The following FRK variants were observed in gnomAD, a reference collection of about 807,000 sequenced individuals.
The protein encoded by FRK is tyrosine-protein kinase FRK.
FRK carries 51 observed loss-of-function variants against 56.4 expected under a neutral mutation model. The observed-to-expected ratio is 0.90, with a 90% CI of 0.72 to 1.14. The LOEUF (loss-of-function observed/expected upper bound fraction) is 1.14, where lower values mean the gene tolerates loss of function less well. FRK is among the 50% of genes most tolerant of loss of function. The probability of loss-of-function intolerance (pLI) is 0.00; values close to 1 mark genes in which losing one functional copy is unlikely to be tolerated. For missense variants in FRK, 570 were observed against 601.4 expected, an observed-to-expected ratio of 0.95 and a Z score of 0.55; for synonymous variants, 245 against 217.9, an observed-to-expected ratio of 1.12 and a Z score of -1.10.
intron 5 of FRK, among the ~76,000 whole-genome samples, chr6:115,945,503 T>A (rs1323260383): frequency 2.0e-5 from 3 of 152,152 alleles, no homozygotes; most frequent in African/African-American, 7.2e-5. Context: ...CAATACCACA[T>A]GTCACTGACT....
intron 5 of FRK, among the ~76,000 whole-genome samples, chr6:115,954,334 T>C (rs971311272): frequency 9.8e-5 from 15 of 152,316 alleles, no homozygotes; most frequent in African/African-American, 3.6e-4. Context: ...ATTTACATTT[T>C]AACTGTATCT....
Position 115,934,629 on chromosome 6 carries a change from C to A in FRK, c.*7785G>T, listed in dbSNP as rs1281197274. The A allele has an allele frequency of 6.6e-6, 1 of 152,200 alleles. No individual in the cohort carries two copies. The highest frequency in any genetic ancestry group is 2.4e-5 in the African/African-American group (1 of 41,454). The allele number at this position is 152,200 out of a possible 1,614,324, so 9.4% of individuals were successfully genotyped here. A position where few individuals can be genotyped will look rare whatever the true frequency, so the allele number is the denominator to read the frequency against. On this transcript the variant is annotated 3_prime_UTR_variant, in exon 8 of 8. Coordinates refer to ENST00000606080, the MANE Select transcript of FRK (RefSeq NM_002031.3). ...CCTGTCTCCCAGTTAAAAGAGTTTA[C>A]AAATTTACTTCTTGTTTAATCTACT...
chr6:116,041,918 G>C (rs1776731584), intron 1 of FRK, among the ~76,000 whole-genome samples: 1 of 152,168 alleles, frequency 6.6e-6, no homozygotes, highest in African/African-American at 2.4e-5. Flanking sequence ...ACCTGGAAAG[G>C]GGGCTGAAAG....
In FRK at chr6:115,943,078, T is replaced by G; in HGVS notation, c.1248A>C (p.Val416=). Residue 416 remains valine (V), a synonymous_variant, in exon 7 of 8, where the codon GTA becomes GTC. Coordinates refer to ENST00000606080, the MANE Select transcript of FRK (RefSeq NM_002031.3). ...CATAAAGAAGGATTCCAAATGACCA[T>G]ACATCGGACTTAATGCTGAATTTAT... ...RSNKFSIKSD[V]WSFGILLYEI... is the part of the protein sequence containing the mutation. The G allele has an allele frequency of 1.2e-6, 2 of 1,613,476 alleles. No individual in the cohort carries two copies. Among genetic ancestry groups the G allele is most frequent in the Non-Finnish European group, 8.5e-7 (1 of 1,179,680 alleles).
chr6:116,065,427 T>C (rs1777742758), upstream of FRK, among the ~76,000 whole-genome samples: 1 of 152,224 alleles, frequency 6.6e-6, no homozygotes, highest in African/African-American at 2.4e-5. Context: ...CTCCAAACTC[T>C]TGCTGTGAAC....
intron 1 of FRK, among the ~76,000 whole-genome samples, chr6:116,048,594 C>T (rs1777066649): frequency 6.6e-6 from 1 of 152,066 alleles, no homozygotes; most frequent in South Asian, 2.1e-4. Flanking sequence ...CCATGTTGCC[C>T]AGGCTGGTCT....
intron 2 of FRK, among the ~76,000 whole-genome samples, chr6:115,985,340 A>G (rs1017378788): frequency 6.6e-6 from 1 of 152,150 alleles, no homozygotes; most frequent in Non-Finnish European, 1.5e-5. Context: ...ATATAAGACA[A>G]GGATAGAGAC....
At position 115,958,685 on chromosome 6, in the gene FRK, AAAGAAAGAAAGAAAGAAAG is replaced by A. The variant is rs1562257228; in HGVS notation, c.800-2094_800-2076del. On this transcript the variant is annotated intron_variant, in intron 4 of 7. Transcript: ENST00000606080. ...GAAAGAAAGAAAGAAAGAAAGAAAGAAAGAAAGAAAGAAAGAAAGAAGAAAGAAAGAAAGAAAGAAAGAA... is the reference window on the plus strand; with the variant it reads ...GAAAGAAAGAAAGAAAGAAAGAAAGAAAGAAAGAAAGAAAGAAAGAAAGAA... Among the ~76,000 whole-genome samples the A allele has an allele frequency of 9.8e-3, 42 of 4,306 alleles. 5 individuals are homozygous for A. Among genetic ancestry groups the A allele is most frequent in the East Asian group, 0.02 (1 of 50 alleles). The allele number at this position is 4,306 out of a possible 152,430, so 2.8% of individuals were successfully genotyped here.
At chr6:115,995,134 G>A (rs548823270) in intron 2 of FRK, among the ~76,000 whole-genome samples, 1 of 152,138 alleles carries the variant, frequency 6.6e-6, no homozygotes, top group South Asian at 2.1e-4. Context: ...CACTGAAGGT[G>A]TGAGAGTATC....
At chr6:116,069,390 A>G in the FRK span, among the ~76,000 whole-genome samples, 4 of 152,186 alleles carry the variant, frequency 2.6e-5, no homozygotes, top group Admixed American at 6.6e-5. Flanking sequence ...TGTGCAAAGT[A>G]AGATGAACAG....
At chr6:116,052,061 G>A (rs1315153411) in intron 1 of FRK, among the ~76,000 whole-genome samples, 1 of 152,062 alleles carries the variant, frequency 6.6e-6, no homozygotes, top group Non-Finnish European at 1.5e-5. Flanking sequence ...TATAACCATA[G>A]TATGGTTTAA....
chr6:116,020,315 G>A (rs185907942), intron 1 of FRK, among the ~76,000 whole-genome samples: 83 of 146,582 alleles, frequency 5.7e-4, no homozygotes, highest in South Asian at 1.5e-3. Flanking sequence ...GTTTTTTTTT[G>A]GAGTTTTGCT....
intron 1 of FRK, among the ~76,000 whole-genome samples, chr6:116,037,981 G>T (rs1776552317): frequency 1.3e-5 from 2 of 152,324 alleles, no homozygotes; most frequent in East Asian, 3.9e-4. Context: ...CCGCAAATGA[G>T]GGGAAAGCAC....
chr6:116,062,567 G>T (rs1488849031), upstream of FRK, among the ~76,000 whole-genome samples: 22 of 152,122 alleles, frequency 1.4e-4, 1 homozygote, highest in Admixed American at 1.4e-3. Flanking sequence ...AATTGTCGGG[G>T]TTCTAAATTC....
chr6:116,058,760 A>T (rs1285313843), intron 1 of FRK, among the ~76,000 whole-genome samples: 1 of 151,790 alleles, frequency 6.6e-6, no homozygotes, highest in Non-Finnish European at 1.5e-5. Context: ...AATACAAAAA[A>T]ATTAGCCGGG....
chr6:115,976,787 G>A (rs945820854), intron 2 of FRK, among the ~76,000 whole-genome samples: 3 of 152,064 alleles, frequency 2.0e-5, no homozygotes, highest in Non-Finnish European at 4.4e-5. Flanking sequence ...CTCCCACAGG[G>A]ATAGTTTGAG....
At chr6:116,023,446 G>C (rs1049492952) in intron 1 of FRK, among the ~76,000 whole-genome samples, 3 of 152,126 alleles carry the variant, frequency 2.0e-5, no homozygotes, top group Non-Finnish European at 1.5e-5. Flanking sequence ...CTGGTACTCA[G>C]AATCAAAAAT....
chr6:116,074,343 T>C, the FRK span, among the ~76,000 whole-genome samples: 2 of 152,154 alleles, frequency 1.3e-5, no homozygotes, highest in Admixed American at 6.5e-5. Context: ...TGCTGGACTT[T>C]CAGTTTTAAA....
chr6:116,075,870 A>T, the FRK span, among the ~76,000 whole-genome samples: 1 of 152,300 alleles, frequency 6.6e-6, no homozygotes, highest in East Asian at 1.9e-4. Context: ...ACAATGAAAG[A>T]TAGAGGGATG....
Sources: allele counts gnomAD v4.1 joint callset (sites outside exome capture counted in the v4.1 genomes callset), GRCh38; gene constraint gnomAD v4.1.1; transcripts MANE v1.5; gene names NCBI Gene and HGNC (gene_info 2026-07-23, HGNC 2026-07-21).